The following EVA1C variants were observed in gnomAD, a reference collection of about 807,000 sequenced individuals.
EVA1C encodes the protein eva-1 homolog C.
EVA1C carries 25 observed loss-of-function variants against 45.4 expected under a neutral mutation model. The observed-to-expected ratio is 0.55, with a 90% CI of 0.40 to 0.77. EVA1C has a LOEUF of 0.77. Ranked by LOEUF, EVA1C falls within the 30% of genes least tolerant of loss-of-function variation. The probability of loss-of-function intolerance (pLI) is 0.00; values close to 1 mark genes in which losing one functional copy is unlikely to be tolerated. For missense variants in EVA1C, 479 were observed against 554.8 expected (o/e 0.86, Z 1.37); for synonymous variants, 190 against 221.2 (o/e 0.86, Z 1.25).
At chr21:32,489,486 G>A (rs2037083482) in intron 4 of EVA1C, among the ~76,000 whole-genome samples, 1 of 152,260 alleles carries the variant, frequency 6.6e-6, no homozygotes, top group Non-Finnish European at 1.5e-5. Context: ...GTATCATACT[G>A]TTTTGATTAC....
intron 5 of EVA1C, among the ~76,000 whole-genome samples, chr21:32,499,893 C>T (rs1410964024): frequency 6.6e-6 from 1 of 152,168 alleles, no homozygotes; most frequent in Non-Finnish European, 1.5e-5. Flanking sequence ...TTCTGACATC[C>T]CAGGGCTTAT....
Position 32,412,988 on chromosome 21 carries a change from G to A in EVA1C, c.135G>A (p.Glu45=), listed in dbSNP as rs749086920. The A allele has an allele frequency of 2.0e-6, 3 of 1,466,100 alleles. No individual in the cohort carries two copies. The highest frequency in any genetic ancestry group is 2.9e-5 in the African/African-American group (2 of 68,624). The allele number at this position is 1,466,100 out of a possible 1,614,324, so 90.8% of individuals were successfully genotyped here. The change falls in exon 1 of 8, where the codon GAG becomes GAA. Residue 45 remains glutamate, a synonymous_variant. Transcript: ENST00000300255. ...GCACTGTCCTGGTCTGCTCCAAAGA[G>A]ATCTCAGCGCTCACCGACTTCTCTG... ...FYCTVLVCSK[E]ISALTDFSGY... is the part of the protein sequence containing the mutation.
At chr21:32,494,151 A>G (rs192608186) in intron 4 of EVA1C, among the ~76,000 whole-genome samples, 115 of 152,264 alleles carry the variant, frequency 7.6e-4, no homozygotes, top group African/African-American at 2.6e-3. Context: ...CTCATCCACC[A>G]TAGGTGTTCA....
chr21:32,506,956 C>G (rs537825387), intron 7 of EVA1C, among the ~76,000 whole-genome samples: 1 of 152,246 alleles, frequency 6.6e-6, no homozygotes, highest in South Asian at 2.1e-4. Context: ...GTTTCCAGCC[C>G]AAACCACCCA....
chr21:32,509,156 T>A (rs2037866907), intron 7 of EVA1C, among the ~76,000 whole-genome samples: 1 of 152,194 alleles, frequency 6.6e-6, no homozygotes, highest in Non-Finnish European at 1.5e-5. Flanking sequence ...TTTGCACAAG[T>A]GACTTGGCTA....
intron 6 of EVA1C, among the ~76,000 whole-genome samples, chr21:32,502,636 T>C (rs752244775): frequency 6.6e-6 from 1 of 152,150 alleles, no homozygotes; most frequent in Non-Finnish European, 1.5e-5. Context: ...AAGTAAAGTA[T>C]GTTTGATATG....
chr21:32,433,777 A>G (rs1315905032), intron 1 of EVA1C, among the ~76,000 whole-genome samples: 2 of 149,612 alleles, frequency 1.3e-5, no homozygotes, highest in East Asian at 3.9e-4. Context: ...AAAATGTGGC[A>G]TATTTGGAGA....
At chr21:32,436,555 G>A (rs2034959709) in intron 1 of EVA1C, among the ~76,000 whole-genome samples, 1 of 152,306 alleles carries the variant, frequency 6.6e-6, no homozygotes, top group Non-Finnish European at 1.5e-5. Context: ...AAAAGGCTGG[G>A]AGAGAGTTCC....
chr21:32,494,988 G>T, intron 4 of EVA1C, 39 bp from the exon 5 acceptor site: 1 of 1,607,646 alleles, frequency 6.2e-7, no homozygotes, highest in Non-Finnish European at 8.5e-7. Flanking sequence ...GCCCTGTGTG[G>T]GATGCAACCT....
chr21:32,452,007 C>T lies in EVA1C; in HGVS notation c.161-1305C>T, dbSNP rs1217330440. 3.3e-5 allele frequency among the ~76,000 whole-genome samples: 5 copies of T among 152,290 alleles called. No individual in the cohort carries two copies. The South Asian group carries it at 1.0e-3, about 32-fold the overall frequency. On this transcript the variant is annotated intron_variant, in intron 1 of 7. Coordinates refer to ENST00000300255, the MANE Select transcript of EVA1C (RefSeq NM_058187.5). This position sits in a 1 kb window ranked among gnomAD's most constrained non-coding sequence, Gnocchi z 4.0. ...CCTTGGAGCAGGCCCCTTCTCTACG[C>T]AGGGCACCCTGCCTGTCTTTCCTCT...
intron 1 of EVA1C, among the ~76,000 whole-genome samples, chr21:32,449,262 GT>G (rs1305738471): frequency 6.6e-6 from 1 of 152,224 alleles, no homozygotes; most frequent in Non-Finnish European, 1.5e-5. Context: ...CACTTTTGGT[GT>G]TGTACGTTGC....
At chr21:32,441,835 G>A (rs1314715199) in intron 1 of EVA1C, among the ~76,000 whole-genome samples, 1 of 152,192 alleles carries the variant, frequency 6.6e-6, no homozygotes, top group Non-Finnish European at 1.5e-5. Context: ...TTAACTACAA[G>A]AATTCAAAGT....
intron 3 of EVA1C, among the ~76,000 whole-genome samples, chr21:32,459,444 T>C (rs914612446): frequency 1.3e-5 from 2 of 152,238 alleles, no homozygotes; most frequent in Non-Finnish European, 2.9e-5. Context: ...CACAGACGAC[T>C]GTGTCATAGC....
intron 7 of EVA1C, among the ~76,000 whole-genome samples, chr21:32,508,566 T>C (rs181059590): frequency 3.9e-4 from 60 of 152,354 alleles, no homozygotes; most frequent in African/African-American, 1.3e-3. Flanking sequence ...CACGGAGATA[T>C]GGATTCGGAT....
intron 4 of EVA1C, 63 bp downstream of exon 4, chr21:32,467,911 T>TATAGG: frequency 1.9e-6 from 2 of 1,033,412 alleles, no homozygotes; most frequent in South Asian, 2.6e-5. Flanking sequence ...ATAGAATATA[T>TATAGG]ATATATATAT....
Position 32,412,853 on chromosome 21 carries a change from G to T in EVA1C, c.-1G>T, listed in dbSNP as rs553707579. On this transcript the variant is annotated 5_prime_UTR_variant, in exon 1 of 8. Transcript: ENST00000300255. Reference sequence around the variant, plus strand: ...GCCTCCGCCCCGCCGCGCAGCGCACGATGCTTCTGCCGGGACGCGCACGCC... The same window carrying T: ...GCCTCCGCCCCGCCGCGCAGCGCACTATGCTTCTGCCGGGACGCGCACGCC... 1.3e-4 allele frequency: 192 copies of T among 1,477,878 alleles called. 1 individual carries two copies. The African/African-American group carries it at 2.3e-3, about 17-fold the overall frequency. 91.5% of individuals were successfully genotyped at this position (1,477,878 alleles called of 1,614,324 possible). A position where few individuals can be genotyped will look rare whatever the true frequency, so the allele number is the denominator to read the frequency against.
At chr21:32,506,213 T>C (rs2037717937) in intron 7 of EVA1C, among the ~76,000 whole-genome samples, 1 of 148,992 alleles carries the variant, frequency 6.7e-6, no homozygotes, top group Admixed American at 6.8e-5. Context: ...CAGGGTCAGG[T>C]GCCTTGTCAT....
chr21:32,439,011 A>G (rs910527484), intron 1 of EVA1C, among the ~76,000 whole-genome samples: 4 of 151,558 alleles, frequency 2.6e-5, no homozygotes, highest in Non-Finnish European at 5.9e-5. Flanking sequence ...CAAGGCGGGC[A>G]GATCACTTGA....
intron 4 of EVA1C, among the ~76,000 whole-genome samples, chr21:32,477,725 C>A (rs1439516817): frequency 1.1e-5 from 1 of 91,800 alleles, no homozygotes; most frequent in East Asian, 3.9e-4. Context: ...CCTCACCTCC[C>A]CCGTACGCCC....
Sources: gnomAD v4.1 joint callset for allele counts (sites outside exome capture counted in the v4.1 genomes callset) on GRCh38, gnomAD v4.1.1 for gene constraint, Gnocchi (gnomAD v3.1) non-coding constraint, MANE v1.5 for transcripts, NCBI Gene and HGNC (gene_info 2026-07-23, HGNC 2026-07-21) for gene names.